PKD2: variants seen among roughly 807,000 people sequenced by gnomAD.
The protein encoded by PKD2 is polycystin-2.
A neutral mutation model predicts 105.9 loss-of-function variants in PKD2; 48 were observed. That is an observed-to-expected ratio of 0.45 (90% CI 0.36 to 0.58). The LOEUF is 0.58. Ranked by LOEUF, PKD2 falls within the 20% of genes least tolerant of loss-of-function variation. The pLI is 0.00. For missense variants in PKD2, 1,078 were observed against 1,255.3 expected, an observed-to-expected ratio of 0.86 and a Z score of 2.13; for synonymous variants, 464 against 481.1, an observed-to-expected ratio of 0.96 and a Z score of 0.46.
intron 2 of PKD2, among the ~76,000 whole-genome samples, chr4:88,035,811 C>T (rs1030964355): frequency 3.9e-5 from 6 of 152,102 alleles, no homozygotes; most frequent in Admixed American, 6.5e-5. Context: ...CTGGTGTGCA[C>T]AGCAGGAGGG....
chr4:88,052,433 T>C lies in PKD2; in HGVS notation c.1716+275T>C, dbSNP rs375504942. On this transcript the variant is annotated intron_variant, in intron 7 of 14. Coordinates refer to ENST00000237596, the MANE Select transcript of PKD2 (RefSeq NM_000297.4). ...ACAGGCATGTGCCACCATACCCGGC[T>C]AATTTTTAAATTTTTTCGTAGAGAC... Among the ~76,000 whole-genome samples, 8 of 152,190 alleles carry C rather than the reference T, an allele frequency of 5.3e-5. 1 individual carries two copies. Among genetic ancestry groups the C allele is most frequent in the African/African-American group, 1.9e-4 (8 of 41,534 alleles).
At chr4:88,044,719 T>A (rs1727704748) in intron 5 of PKD2, among the ~76,000 whole-genome samples, 1 of 152,184 alleles carries the variant, frequency 6.6e-6, no homozygotes, top group Non-Finnish European at 1.5e-5. Context: ...GGATGTTGAA[T>A]CAACTGTTGT....
rs142723079 is a variant in PKD2 at position 88,012,196 on chromosome 4, G to A, written c.595+3868G>A. Reference sequence around the variant, plus strand: ...CTGTGTTAAACTCCTTATATTCATAGTTTTGTTTTTATCCTCACAACAACC... The same window carrying A: ...CTGTGTTAAACTCCTTATATTCATAATTTTGTTTTTATCCTCACAACAACC... On this transcript the variant is annotated intron_variant, in intron 1 of 14. Transcript: ENST00000237596. 3.2e-3 allele frequency among the ~76,000 whole-genome samples: 492 copies of A among 152,282 alleles called. 4 individuals carry two copies. The highest frequency in any genetic ancestry group is 6.8e-3 in the Middle Eastern group (2 of 294).
At chr4:88,031,696 A>C (rs536409340) in intron 2 of PKD2, among the ~76,000 whole-genome samples, 1 of 152,342 alleles carries the variant, frequency 6.6e-6, no homozygotes, top group East Asian at 1.9e-4. Flanking sequence ...ATTCCTAGGT[A>C]ATTTTTGTCT....
chr4:88,025,157 G>T (rs567716950), intron 2 of PKD2, among the ~76,000 whole-genome samples: 162 of 149,470 alleles, frequency 1.1e-3, no homozygotes, highest in African/African-American at 3.7e-3. Flanking sequence ...GAAAAGAAAA[G>T]AATAGAAAAA....
chr4:88,026,600 A>C (rs1362645446), intron 2 of PKD2, among the ~76,000 whole-genome samples: 3 of 152,246 alleles, frequency 2.0e-5, no homozygotes, highest in Non-Finnish European at 4.4e-5. Flanking sequence ...GAGAAATTCA[A>C]GCTGGCTGGA....
At chr4:88,014,906 A>C (rs1726508817) in intron 1 of PKD2, among the ~76,000 whole-genome samples, 1 of 152,184 alleles carries the variant, frequency 6.6e-6, no homozygotes, top group Admixed American at 6.5e-5. Flanking sequence ...CAACCCCACA[A>C]AAAGGTACTC....
chr4:88,056,221 G>A lies in PKD2; in HGVS notation c.1852G>A (p.Val618Ile). 6.2e-7 allele frequency: 1 copy of A among 1,613,530 alleles called. No individual in the cohort carries two copies. The highest frequency in any genetic ancestry group is 8.5e-7 in the Non-Finnish European group (1 of 1,179,550). ...FLAYAQLAYL[V>I]FGTQVDDFST... Reference sequence around the variant, plus strand: ...AGCGTATGCTCAGTTGGCATACCTTGTCTTTGGCACTCAGGTCGATGACTT... The same window carrying A: ...AGCGTATGCTCAGTTGGCATACCTTATCTTTGGCACTCAGGTCGATGACTT... The change falls in exon 8 of 15, where the codon GTC becomes ATC. Residue 618 changes from valine (V) to isoleucine (I), a missense_variant. Val to Ile is a conservative substitution (Grantham distance 29). Coordinates refer to ENST00000237596, the MANE Select transcript of PKD2 (RefSeq NM_000297.4).
chr4:88,009,433 T>C (rs1459587169), intron 1 of PKD2, among the ~76,000 whole-genome samples: 1 of 152,108 alleles, frequency 6.6e-6, no homozygotes. Flanking sequence ...GTTCCACCAC[T>C]CATTAGCTGT....
intron 7 of PKD2, among the ~76,000 whole-genome samples, chr4:88,054,647 CTACTT>C (rs1210343132): frequency 7.6e-4 from 97 of 127,306 alleles, no homozygotes; most frequent in Non-Finnish European, 1.3e-3. Flanking sequence ...GATCATGACT[CTACTT>C]TTTTTTTTTT....
chr4:88,011,328 T>G (rs910087611), intron 1 of PKD2, among the ~76,000 whole-genome samples: 1 of 147,398 alleles, frequency 6.8e-6, no homozygotes, highest in Non-Finnish European at 1.5e-5. Context: ...TTCTTGGGCT[T>G]TTTTTTTTTT....
chr4:88,064,681 C>T (rs887447238), intron 10 of PKD2, among the ~76,000 whole-genome samples: 1 of 151,348 alleles, frequency 6.6e-6, no homozygotes, highest in Non-Finnish European at 1.5e-5. Flanking sequence ...CGCTTGAGCT[C>T]AGGAGTTCAA....
In PKD2 at chr4:88,046,735, C is replaced by A. The variant is rs750002416; in HGVS notation, c.1413C>A (p.Phe471Leu). ...KLIRYVTTFD[F>L]FLAACEIIFC... ...TCCGATATGTCACAACTTTTGATTT[C>A]TTCCTGGCAGCCTGTGAGATTATCT... The change falls in exon 6 of 15, where the codon TTC becomes TTA. Residue 471 changes from phenylalanine (F) to leucine (L), a missense_variant. This residue lies in a region of PKD2 where 868 missense variants were observed against 1,067.3 expected (regional missense o/e 0.81). Transcript: ENST00000237596. 1.2e-6 allele frequency: 2 copies of A among 1,613,268 alleles called. No homozygotes were observed. The highest frequency in any genetic ancestry group is 1.7e-6 in the Non-Finnish European group (2 of 1,179,246).
intron 13 of PKD2, among the ~76,000 whole-genome samples, chr4:88,068,336 G>C (rs1171804357): frequency 6.6e-6 from 1 of 152,054 alleles, no homozygotes; most frequent in Non-Finnish European, 1.5e-5. Context: ...TGGGCATGGT[G>C]GTGGGCACCT....
intron 2 of PKD2, among the ~76,000 whole-genome samples, chr4:88,034,817 G>C (rs1286983661): frequency 3.3e-5 from 5 of 152,078 alleles, no homozygotes; most frequent in Non-Finnish European, 1.5e-5. Flanking sequence ...TTAATCACGG[G>C]TATTCAGAAC....
chr4:88,063,520 A>C (rs1326283640), intron 10 of PKD2, among the ~76,000 whole-genome samples: 2 of 151,564 alleles, frequency 1.3e-5, no homozygotes, highest in Non-Finnish European at 2.9e-5. Flanking sequence ...AACAAGAGCG[A>C]AACTCCGTCT....
intron 2 of PKD2, among the ~76,000 whole-genome samples, chr4:88,023,440 G>T (rs575366115): frequency 6.6e-6 from 1 of 152,306 alleles, no homozygotes; most frequent in South Asian, 2.1e-4. Flanking sequence ...CTCGTACCAG[G>T]CCCCGCCTTC....
intron 13 of PKD2, among the ~76,000 whole-genome samples, chr4:88,074,148 TG>T (rs1721138682): frequency 6.6e-6 from 1 of 152,070 alleles, no homozygotes; most frequent in Admixed American, 6.6e-5. Context: ...TTTGTTTGTT[TG>T]TTTGTTTTTG....
chr4:88,007,907 C>A lies in PKD2; in HGVS notation c.174C>A (p.Arg58=), dbSNP rs757877538. 6.3e-6 allele frequency: 9 copies of A among 1,428,940 alleles called. No individual in the cohort carries two copies. In the South Asian group the frequency reaches 1.2e-4, roughly 20 times the overall value. The allele number at this position is 1,428,940 out of a possible 1,614,324, so 88.5% of individuals were successfully genotyped here. Residue 58 remains arginine (R), a synonymous_variant, in exon 1 of 15, where the codon CGC becomes CGA. Coordinates refer to ENST00000237596, the MANE Select transcript of PKD2 (RefSeq NM_000297.4). ...EQRGLEIEMQ[R]IRQAAARDPP... Reference sequence around the variant, plus strand: ...GGGGCCTGGAGATCGAGATGCAGCGCATCCGGCAGGCGGCCGCGCGGGACC... The same window carrying A: ...GGGGCCTGGAGATCGAGATGCAGCGAATCCGGCAGGCGGCCGCGCGGGACC...
Sources: allele counts gnomAD v4.1 joint callset (sites outside exome capture counted in the v4.1 genomes callset), GRCh38; gene constraint gnomAD v4.1.1; regional missense constraint gnomAD v4.1.1; transcripts MANE v1.5; gene names NCBI Gene and HGNC (gene_info 2026-07-23, HGNC 2026-07-21).